The following SETX variants were observed in gnomAD, a reference collection of about 807,000 sequenced individuals.
SETX encodes senataxin, also known as helicase senataxin.
In SETX, 90 loss-of-function variants were observed where a neutral mutation model predicts 227.2. The observed-to-expected ratio is 0.40, with a 90% CI of 0.33 to 0.47. The LOEUF (loss-of-function observed/expected upper bound fraction) is 0.47, where lower values mean the gene tolerates loss of function less well. Ranked by LOEUF, SETX falls within the 20% of genes least tolerant of loss-of-function variation. The pLI, the probability that SETX is intolerant of heterozygous loss-of-function variation, is 0.91. For synonymous variants in SETX, 1,210 were observed against 1,113.2 expected, an observed-to-expected ratio of 1.09 and a Z score of -1.73; for missense variants, 3,052 against 3,181.5, an observed-to-expected ratio of 0.96 and a Z score of 0.98.
intron 11 of SETX, among the ~76,000 whole-genome samples, chr9:132,308,755 A>G (rs1845477240): frequency 6.6e-6 from 1 of 152,248 alleles, no homozygotes; most frequent in African/African-American, 2.4e-5. Context: ...AGAAAGTATT[A>G]AAAGTTGTCA....
At position 132,269,872 on chromosome 9, in the gene SETX, CCG is replaced by C. The variant is rs1168563923; in HGVS notation, c.7200-172_7200-171del. 7.1e-3 allele frequency among the ~76,000 whole-genome samples: 1,037 copies of C among 147,034 alleles called. 21 individuals carry two copies. Among genetic ancestry groups the C allele is most frequent in the East Asian group, 0.03 (140 of 4,702 alleles). On this transcript the variant is annotated intron_variant, in intron 24 of 25. Transcript: ENST00000224140. Reference sequence around the variant, plus strand: ...TGGACTCTAGAATGACTCAGCGTGCCCGTGTGAGACACAGGTGGATTCTAGAA... The same window carrying C: ...TGGACTCTAGAATGACTCAGCGTGCCTGTGAGACACAGGTGGATTCTAGAA...
At chr9:132,272,053 T>A (rs149862021) in intron 23 of SETX, among the ~76,000 whole-genome samples, 1 of 151,952 alleles carries the variant, frequency 6.6e-6, no homozygotes, top group Non-Finnish European at 1.5e-5. Flanking sequence ...CAGCTAATTT[T>A]TTGTATTTTT....
At chr9:132,293,184 C>T (rs909778072) in intron 15 of SETX, among the ~76,000 whole-genome samples, 3 of 152,080 alleles carry the variant, frequency 2.0e-5, no homozygotes, top group Non-Finnish European at 4.4e-5. Context: ...AGAAAATTTT[C>T]ATTACCATTT....
intron 25 of SETX, among the ~76,000 whole-genome samples, chr9:132,266,669 T>C (rs1339549983): frequency 1.3e-5 from 2 of 152,038 alleles, no homozygotes; most frequent in East Asian, 3.9e-4. Context: ...GTACTTGAGA[T>C]GCTAAGGCAT....
At chr9:132,273,922 G>A (rs1843021077) in intron 23 of SETX, among the ~76,000 whole-genome samples, 1 of 151,378 alleles carries the variant, frequency 6.6e-6, no homozygotes, top group African/African-American at 2.4e-5. Flanking sequence ...CGTTAGCTAT[G>A]AGTTTTTTGT....
In SETX at chr9:132,299,987, G is replaced by A. The variant is rs189610017; in HGVS notation, c.5548+643C>T. ...CCACTAAAAACACAAAAAATTAGCC[G>A]GGACTGGTGGCGGATGCCTATAATC... On this transcript the variant is annotated intron_variant, in intron 12 of 25. Coordinates refer to ENST00000224140, the MANE Select transcript of SETX (RefSeq NM_015046.7). 1.4e-3 allele frequency among the ~76,000 whole-genome samples: 218 copies of A among 151,966 alleles called. 1 individual carries two copies. The highest frequency in any genetic ancestry group is 4.8e-3 in the African/African-American group (200 of 41,430).
At position 132,342,871 on chromosome 9, in the gene SETX, G is replaced by C. The variant is rs572554271; in HGVS notation, c.389-72C>G. 6.4e-6 allele frequency: 7 copies of C among 1,097,038 alleles called. No individual in the cohort carries two copies. The Admixed American group carries it at 8.7e-5, about 14-fold the overall frequency. The allele number at this position is 1,097,038 out of a possible 1,614,324, so 68.0% of individuals were successfully genotyped here. On this transcript the variant is annotated intron_variant, in intron 4 of 25. Coordinates refer to ENST00000224140, the MANE Select transcript of SETX (RefSeq NM_015046.7). ...CAAGATTCCCTAAATTAGGCTCCTT[G>C]GGCTATTCTGTAAATAAATAAAAAT...
Position 132,326,559 on chromosome 9 carries a change from T to C in SETX, c.5039A>G (p.Lys1680Arg). ...QGCKVPFGES[K>R]YFPSSSPVNI... is the part of the protein sequence containing the mutation. ...TACTGGAGAGGAAGATGGAAAATAT[T>C]TGCTTTCACCAAATGGAACTTTGCA... Residue 1680 changes from lysine (K) to arginine (R), a missense_variant, in exon 10 of 26, where the codon AAA becomes AGA. Lys to Arg is a conservative substitution (Grantham distance 26, BLOSUM62 2). This residue lies in a region of SETX where 1,483 missense variants were observed against 1,312.0 expected (regional missense o/e 1.13). Transcript: ENST00000224140. 6.2e-7 allele frequency: 1 copy of C among 1,614,230 alleles called. No individual in the cohort carries two copies. Among genetic ancestry groups the C allele is most frequent in the Non-Finnish European group, 8.5e-7 (1 of 1,180,046 alleles).
intron 15 of SETX, among the ~76,000 whole-genome samples, chr9:132,294,007 G>A (rs1387079373): frequency 6.6e-6 from 1 of 152,108 alleles, no homozygotes; most frequent in African/African-American, 2.4e-5. Flanking sequence ...CTGGGCGACA[G>A]GGTGAGACTC....
At chr9:132,288,792 C>T in intron 15 of SETX, 141 bp from the exon 16 acceptor site, 1 of 676,846 alleles carries the variant, frequency 1.5e-6, no homozygotes, top group South Asian at 1.6e-5. Flanking sequence ...AACCAGACAC[C>T]AGGGACTACA....
chr9:132,355,989 G>GAAAAA (rs1213549776), upstream of SETX, among the ~76,000 whole-genome samples: 1 of 85,168 alleles, frequency 1.2e-5, no homozygotes, highest in Admixed American at 1.6e-4. Context: ...TCTCTCTCCG[G>GAAAAA]AAAAAAAAAA....
intron 10 of SETX, among the ~76,000 whole-genome samples, chr9:132,324,552 T>C (rs147421485): frequency 4.6e-5 from 7 of 152,324 alleles, no homozygotes; most frequent in Non-Finnish European, 1.0e-4. Context: ...TGGGTCTCAG[T>C]GTAAATATCA....
chr9:132,330,542 C>T (rs777570590), intron 9 of SETX, 43 bp from the exon 10 acceptor site: 2 of 1,561,024 alleles, frequency 1.3e-6, no homozygotes, highest in Non-Finnish European at 1.8e-6. Context: ...ATAAGCACCA[C>T]TTATGACAGG....
rs377551874 is a variant in SETX, at chr9:132,264,329, G to A, written c.7944C>T (p.Ser2648=). The change falls in exon 26 of 26, where the codon TCC becomes TCT. Residue 2648 remains serine, a synonymous_variant. Transcript: ENST00000224140. Reference sequence around the variant, plus strand: ...AGTTCCTCCTGGTGTGATGGGTCTCGGAACCACACTTCTCCTGCTCCCCTT... The same window carrying A: ...AGTTCCTCCTGGTGTGATGGGTCTCAGAACCACACTTCTCCTGCTCCCCTT... ...FSEGEQEKCG[S]ETHHTRRNSR... 39 of 1,614,006 alleles carry A rather than the reference G, an allele frequency of 2.4e-5. No individual in the cohort carries two copies. The highest frequency in any genetic ancestry group is 1.6e-4 in the Middle Eastern group (1 of 6,084).
chr9:132,275,042 G>A (rs939840552), intron 23 of SETX: 7 of 569,608 alleles, frequency 1.2e-5, no homozygotes, highest in African/African-American at 3.7e-5. Context: ...CACTGCCAAG[G>A]AGAATGTTGA....
At chr9:132,304,567 A>G (rs1845209712) in intron 11 of SETX, among the ~76,000 whole-genome samples, 1 of 151,084 alleles carries the variant, frequency 6.6e-6, no homozygotes, top group Non-Finnish European at 1.5e-5. Flanking sequence ...TGGGAGTTTG[A>G]GGCTGCAGTG....
intron 15 of SETX, among the ~76,000 whole-genome samples, chr9:132,289,377 C>T (rs761403211): frequency 1.3e-5 from 2 of 152,164 alleles, no homozygotes; most frequent in Admixed American, 6.5e-5. Flanking sequence ...GTATGACACA[C>T]GGCTCTCCTT....
chr9:132,311,130 C>G (rs745649313), intron 11 of SETX, among the ~76,000 whole-genome samples: 1 of 152,158 alleles, frequency 6.6e-6, no homozygotes, highest in Non-Finnish European at 1.5e-5. Context: ...CCATGCCTGG[C>G]TAATGTTTGC....
chr9:132,346,786 TAA>T (rs34471360), intron 3 of SETX, among the ~76,000 whole-genome samples: 5 of 143,726 alleles, frequency 3.5e-5, no homozygotes, highest in East Asian at 2.0e-4. Context: ...ACCCTGTCAC[TAA>T]AAAAAAAAAA....
Sources: allele counts gnomAD v4.1 joint callset (sites outside exome capture counted in the v4.1 genomes callset), GRCh38; gene constraint gnomAD v4.1.1; regional missense constraint gnomAD v4.1.1; transcripts MANE v1.5; gene names NCBI Gene and HGNC (gene_info 2026-07-23, HGNC 2026-07-21).